The following MACC1 variants were observed in gnomAD, a reference collection of about 807,000 sequenced individuals.
MACC1 encodes the protein MET transcriptional regulator MACC1, also known as metastasis-associated in colon cancer protein 1.
In MACC1, 79 loss-of-function variants were observed where a neutral mutation model predicts 70.7. That is an observed-to-expected ratio of 1.12 (90% CI 0.93 to 1.35). The LOEUF (loss-of-function observed/expected upper bound fraction) is 1.35, where lower values mean the gene tolerates loss of function less well. MACC1 is among the 40% of genes most tolerant of loss of function. MACC1 has a pLI of 0.00. For missense variants in MACC1, 1,106 were observed against 978.1 expected (o/e 1.13, Z -1.74); for synonymous variants, 361 against 347.2 (o/e 1.04, Z -0.44).
At chr7:20,157,519 C>T (rs1782071748) in intron 5 of MACC1, among the ~76,000 whole-genome samples, 2 of 151,248 alleles carry the variant, frequency 1.3e-5, no homozygotes, top group South Asian at 4.2e-4. Context: ...TGTGGTGGCT[C>T]ATGGCTGTAA....
At chr7:20,174,792 A>G (rs567252877) in intron 1 of MACC1, among the ~76,000 whole-genome samples, 2 of 152,122 alleles carry the variant, frequency 1.3e-5, no homozygotes, top group African/African-American at 4.8e-5. Context: ...TATCAACATT[A>G]ATTTAAATAC....
At chr7:20,145,978 T>C (rs957678732) in intron 6 of MACC1, among the ~76,000 whole-genome samples, 1 of 151,980 alleles carries the variant, frequency 6.6e-6, no homozygotes, top group Non-Finnish European at 1.5e-5. Context: ...CTGGCCATTA[T>C]GGTGAAGCCC....
Position 20,158,684 on chromosome 7 carries a change from TGC to T in MACC1, c.1675_1676del (p.Ala559SerfsTer8). On this transcript the variant is annotated frameshift_variant, in exon 5 of 7. Coordinates refer to ENST00000400331, the MANE Select transcript of MACC1 (RefSeq NM_182762.4). LOFTEE classifies it high-confidence loss of function. ...NFSNYGVTLKAVLRQSKIDYF... is the reference protein window; with the variant it reads ...NFSNYGVTLKXVLRQSKIDYF... ...AATCAATCTTGCTTTGTCTTAGCAC[TGC>T]CTTCAGGGTTACCCCATAGTTGCTA... 3.1e-6 allele frequency: 5 copies of T among 1,613,958 alleles called. No homozygotes were observed. Among genetic ancestry groups the T allele is most frequent in the Non-Finnish European group, 4.2e-6 (5 of 1,179,978 alleles).
chr7:20,186,802 T>G (rs1357722926), intron 1 of MACC1, among the ~76,000 whole-genome samples: 1 of 152,178 alleles, frequency 6.6e-6, no homozygotes, highest in African/African-American at 2.4e-5. Context: ...ACCTGTAATG[T>G]AGACAAAATT....
chr7:20,214,077 C>T (rs1400934488), intron 1 of MACC1, among the ~76,000 whole-genome samples: 1 of 152,018 alleles, frequency 6.6e-6, no homozygotes, highest in African/African-American at 2.4e-5. Context: ...AACCTATTTC[C>T]AAAGAGCTCT....
chr7:20,165,054 C>G (rs1214409196), intron 2 of MACC1, among the ~76,000 whole-genome samples: 2 of 152,100 alleles, frequency 1.3e-5, no homozygotes, highest in African/African-American at 4.8e-5. Flanking sequence ...CAGCTATGAC[C>G]TTGAAGGATC....
Position 20,160,137 on chromosome 7 carries a change from T to A in MACC1, c.224A>T (p.Asn75Ile). The change falls in exon 5 of 7, where the codon AAC becomes ATC. Residue 75 changes from asparagine to isoleucine, a missense_variant. Coordinates refer to ENST00000400331, the MANE Select transcript of MACC1 (RefSeq NM_182762.4). ...TTGAGTTATGTCATCCAAAAATGGG[T>A]TAGAAGCAGACAGTTGATTCCAGAA... is the stretch of plus-strand genomic sequence containing the variant. ...NPFWNQLSAS[N>I]PFLDDITQLR... 4.3e-6 allele frequency: 7 copies of A among 1,613,414 alleles called. No individual in the cohort carries two copies. The highest frequency in any genetic ancestry group is 5.9e-6 in the Non-Finnish European group (7 of 1,179,814).
intron 1 of MACC1, among the ~76,000 whole-genome samples, chr7:20,180,584 C>T (rs1270241570): frequency 1.3e-5 from 2 of 152,110 alleles, no homozygotes; most frequent in Non-Finnish European, 2.9e-5. Context: ...AGTGGCCACG[C>T]CTGTAATCCC....
chr7:20,161,717 G>A, intron 4 of MACC1, 31 bp downstream of exon 4: 4 of 1,354,822 alleles, frequency 3.0e-6, no homozygotes, highest in Non-Finnish European at 4.2e-6. Context: ...TACTTACATG[G>A]ACAAATCACA....
intron 1 of MACC1, among the ~76,000 whole-genome samples, chr7:20,192,477 A>G (rs934595836): frequency 1.3e-5 from 2 of 152,214 alleles, no homozygotes; most frequent in Non-Finnish European, 2.9e-5. Flanking sequence ...TGTCAGTCCC[A>G]GCTAAGCCCT....
chr7:20,204,311 C>T (rs6976297), intron 1 of MACC1, among the ~76,000 whole-genome samples: 1,746 of 152,152 alleles, frequency 0.011, 31 homozygotes, highest in African/African-American at 0.04. Context: ...CCCACCACCA[C>T]GCCCGGCTAA....
At chr7:20,181,044 G>A (rs1364614302) in intron 1 of MACC1, among the ~76,000 whole-genome samples, 1 of 151,710 alleles carries the variant, frequency 6.6e-6, no homozygotes, top group Non-Finnish European at 1.5e-5. Flanking sequence ...AAATTTGAAT[G>A]GCGATACTAA....
chr7:20,204,729 A>G (rs1782884438), intron 1 of MACC1, among the ~76,000 whole-genome samples: 1 of 152,260 alleles, frequency 6.6e-6, no homozygotes, highest in South Asian at 2.1e-4. Context: ...TTACAGGCAT[A>G]ACATAAAAAT....
At chr7:20,188,933 C>T (rs768752578) in intron 1 of MACC1, among the ~76,000 whole-genome samples, 3 of 152,170 alleles carry the variant, frequency 2.0e-5, no homozygotes, top group Non-Finnish European at 4.4e-5. Context: ...TGGCTTTATT[C>T]TTTAACATCT....
At position 20,160,245 on chromosome 7, in the gene MACC1, T is replaced by A. The variant is rs1782122716; in HGVS notation, c.116A>T (p.Glu39Val). The A allele has an allele frequency of 6.5e-7, 1 of 1,542,310 alleles. No individual in the cohort carries two copies. Among genetic ancestry groups the A allele is most frequent in the Admixed American group, 2.2e-5 (1 of 44,768 alleles). ...GTGAAGCAAGTCTGGGTCCTGGCAT[T>A]CTTGTTATTTAAGGAAAGACAAAGC... is the stretch of plus-strand genomic sequence containing the variant. ...GKLSKSCNITECQDPDLLHNW... is the reference protein window; with the variant it reads ...GKLSKSCNITVCQDPDLLHNW... The change falls in exon 5 of 7, where the codon GAA (glutamate) becomes GTA (valine). Residue 39 changes from glutamate (E) to valine (V), a missense_variant and splice_region_variant. By Grantham distance (121) the Glu-to-Val change is moderately radical. Transcript: ENST00000400331.
chr7:20,202,086 C>G (rs1782841706), intron 1 of MACC1, among the ~76,000 whole-genome samples: 1 of 152,166 alleles, frequency 6.6e-6, no homozygotes. Context: ...CAAATGCCAG[C>G]AGAAAATGAG....
At chr7:20,149,519 G>T (rs1187487370) in intron 6 of MACC1, among the ~76,000 whole-genome samples, 4 of 152,132 alleles carry the variant, frequency 2.6e-5, no homozygotes, top group African/African-American at 9.7e-5. Context: ...TCCCAGAAAA[G>T]TAAAGTAATT....
At chr7:20,169,958 TCTC>T (rs937193055) in intron 2 of MACC1, among the ~76,000 whole-genome samples, 1 of 152,116 alleles carries the variant, frequency 6.6e-6, no homozygotes, top group Non-Finnish European at 1.5e-5. Flanking sequence ...TCAAGAATCT[TCTC>T]CTCTCAATCA....
At chr7:20,183,911 T>C (rs929347526) in intron 1 of MACC1, among the ~76,000 whole-genome samples, 1 of 152,104 alleles carries the variant, frequency 6.6e-6, no homozygotes, top group African/African-American at 2.4e-5. Flanking sequence ...TTTCACCATA[T>C]TGGCCAGGCT....
Sources: allele counts gnomAD v4.1 joint callset (sites outside exome capture counted in the v4.1 genomes callset), GRCh38; gene constraint gnomAD v4.1.1; transcripts MANE v1.5; gene names NCBI Gene and HGNC (gene_info 2026-07-23, HGNC 2026-07-21).